Variants in TXLNB observed in about 807,000 individuals in gnomAD.
The protein encoded by TXLNB is beta-taxilin.
Under a neutral mutation model 57.4 loss-of-function variants are expected in TXLNB, and 37 were observed. The observed-to-expected ratio is 0.64, with a 90% confidence interval of 0.50 to 0.85. The LOEUF (loss-of-function observed/expected upper bound fraction) is 0.85. Among genes scored for constraint, TXLNB ranks in the 40% least tolerant of loss-of-function variants. The probability of loss-of-function intolerance (pLI) is 0.00; values close to 1 mark genes in which losing one functional copy is unlikely to be tolerated. For missense variants in TXLNB, 848 were observed against 825.6 expected (o/e 1.03, Z -0.33); for synonymous variants, 302 against 309.6 (o/e 0.98, Z 0.26).
chr6:139,255,472 T>C (rs764439193), intron 7 of TXLNB, 92 bp downstream of exon 7: 7 of 956,194 alleles, frequency 7.3e-6, no homozygotes, highest in Non-Finnish European at 1.2e-5. Context: ...CCCTGCCACA[T>C]AGGAGGACTT....
chr6:139,284,267 C>T (rs558622170), intron 2 of TXLNB, among the ~76,000 whole-genome samples: 2 of 145,180 alleles, frequency 1.4e-5, no homozygotes, highest in African/African-American at 5.1e-5. Context: ...CGGTGGCTCA[C>T]GGCTGTAATC....
chr6:139,196,916 C>T, the TXLNB span, among the ~76,000 whole-genome samples: 2 of 152,082 alleles, frequency 1.3e-5, no homozygotes, highest in Non-Finnish European at 2.9e-5. Flanking sequence ...TTGGGCCCAC[C>T]CAATAATCCA....
the TXLNB span, among the ~76,000 whole-genome samples, chr6:139,194,032 G>A: frequency 2.5e-4 from 38 of 151,036 alleles, no homozygotes; most frequent in African/African-American, 7.5e-4. Flanking sequence ...TAGTAGAGAC[G>A]GGGTTTCACC....
the TXLNB span, among the ~76,000 whole-genome samples, chr6:139,163,774 G>T: frequency 6.6e-6 from 1 of 152,058 alleles, no homozygotes; most frequent in African/African-American, 2.4e-5. Context: ...TGCATCCCAG[G>T]ATTCTTTTCC....
chr6:139,179,344 T>G, the TXLNB span: 6 of 152,190 alleles, frequency 3.9e-5, no homozygotes, highest in Middle Eastern at 3.2e-3. Context: ...GTTCTGAAGC[T>G]TACAATTGAC....
the TXLNB span, among the ~76,000 whole-genome samples, chr6:139,210,657 C>T: frequency 0.15 from 22,950 of 152,194 alleles, 1,939 homozygotes; most frequent in East Asian, 0.26. Flanking sequence ...TGCAGTGCAC[C>T]GTGCGTGAGC....
At chr6:139,291,489 C>G (rs528052301) in intron 1 of TXLNB, among the ~76,000 whole-genome samples, 1 of 152,250 alleles carries the variant, frequency 6.6e-6, no homozygotes, top group East Asian at 1.9e-4. Context: ...AATTCCATGG[C>G]TATTCTTTAA....
the TXLNB span, chr6:139,197,996 A>T: frequency 6.6e-6 from 1 of 152,240 alleles, no homozygotes; most frequent in Admixed American, 6.5e-5. Context: ...ACCCATGAGT[A>T]CTGTTACACT....
the TXLNB span, chr6:139,174,747 T>C: frequency 1.7e-6 from 1 of 585,090 alleles, no homozygotes; most frequent in Non-Finnish European, 2.6e-6. Flanking sequence ...TGGGAAGCAT[T>C]TCCAGTATAT....
chr6:139,170,650 G>T, the TXLNB span: 1 of 152,222 alleles, frequency 6.6e-6, no homozygotes, highest in Non-Finnish European at 1.5e-5. Flanking sequence ...TGGAGCCAAG[G>T]GTGTTCTAGA....
At chr6:139,218,255 G>C in the TXLNB span, among the ~76,000 whole-genome samples, 2 of 152,068 alleles carry the variant, frequency 1.3e-5, no homozygotes, top group Non-Finnish European at 2.9e-5. Flanking sequence ...ATTTAAGTAA[G>C]GTTTTCTGAT....
At chr6:139,317,460 C>T in the TXLNB span, among the ~76,000 whole-genome samples, 22 of 151,426 alleles carry the variant, frequency 1.5e-4, no homozygotes, top group East Asian at 3.9e-4. Flanking sequence ...AGTGCAGTGG[C>T]GCAATCTCGG....
chr6:139,268,731 A>C (rs1390495710), intron 4 of TXLNB, among the ~76,000 whole-genome samples: 4 of 152,210 alleles, frequency 2.6e-5, no homozygotes, highest in African/African-American at 9.6e-5. Flanking sequence ...AGCACTTAGC[A>C]TAACTTCTGG....
chr6:139,308,249 T>C, the TXLNB span, among the ~76,000 whole-genome samples: 1 of 152,194 alleles, frequency 6.6e-6, no homozygotes, highest in African/African-American at 2.4e-5. Context: ...TGGTTATTGC[T>C]ATATAAGAAG....
the TXLNB span, among the ~76,000 whole-genome samples, chr6:139,191,367 C>T: frequency 6.6e-6 from 1 of 151,874 alleles, no homozygotes; most frequent in African/African-American, 2.4e-5. Flanking sequence ...TGCGGTGAGC[C>T]GAGATTGCAC....
chr6:139,177,255 C>T, the TXLNB span: 1 of 542,178 alleles, frequency 1.8e-6, no homozygotes, highest in Non-Finnish European at 3.3e-6. The surrounding 1 kb of genome is among the most constrained non-coding windows in gnomAD (Gnocchi z 4.9). Context: ...AGGGGCTGCC[C>T]TTGCCCTGTC....
At chr6:139,188,394 C>T in the TXLNB span, among the ~76,000 whole-genome samples, 1 of 152,146 alleles carries the variant, frequency 6.6e-6, no homozygotes, top group African/African-American at 2.4e-5. Context: ...GGGTCAGCTT[C>T]AAACTGAGAC....
the TXLNB span, among the ~76,000 whole-genome samples, chr6:139,303,095 C>A: frequency 2.0e-5 from 3 of 152,228 alleles, no homozygotes; most frequent in East Asian, 1.9e-4. Flanking sequence ...TATCCAAAGA[C>A]CTCTGAAAAA....
the TXLNB span, among the ~76,000 whole-genome samples, chr6:139,307,681 A>AT: frequency 2.0e-5 from 3 of 151,760 alleles, no homozygotes; most frequent in African/African-American, 4.8e-5. Context: ...ATACCCATTC[A>AT]TTTTTTTCCT....
Sources: allele counts gnomAD v4.1 joint callset (sites outside exome capture counted in the v4.1 genomes callset), GRCh38; gene constraint gnomAD v4.1.1; non-coding constraint Gnocchi (gnomAD v3.1); transcripts MANE v1.5; gene names NCBI Gene and HGNC (gene_info 2026-07-23, HGNC 2026-07-21).